Variants in ZFAND3 observed in about 807,000 individuals in gnomAD.
ZFAND3 encodes AN1-type zinc finger protein 3.
In ZFAND3, 10 loss-of-function variants were observed where a neutral mutation model predicts 29.6. The ratio of observed to expected loss-of-function variants is 0.34; its 90% confidence interval spans 0.21 to 0.57. The LOEUF (loss-of-function observed/expected upper bound fraction) is 0.57. Ranked by LOEUF, ZFAND3 falls within the 20% of genes least tolerant of loss-of-function variation. ZFAND3 has a pLI of 0.86. For synonymous variants in ZFAND3, 128 were observed against 112.6 expected (o/e 1.14, Z -0.87); for missense variants, 230 against 304.5 (o/e 0.76, Z 1.82).
rs1371019905 is a variant in ZFAND3, at chr6:38,146,479, A to G, written c.530-5756A>G. ...GAGGGCTCATCCTAAATTGCTCTTC[A>G]GTGCCAACAAGCAAAGGGACGCCCA... On this transcript the variant is annotated intron_variant, in intron 5 of 5. Coordinates refer to ENST00000287218, the MANE Select transcript of ZFAND3 (RefSeq NM_021943.3). Among the ~76,000 whole-genome samples the G allele has an allele frequency of 2.0e-5, 3 of 152,198 alleles. No homozygotes were observed. In the East Asian group the frequency reaches 5.8e-4, roughly 29 times the overall value.
chr6:38,148,940 G>A (rs1406665293), intron 5 of ZFAND3, among the ~76,000 whole-genome samples: 1 of 152,186 alleles, frequency 6.6e-6, no homozygotes, highest in Admixed American at 6.5e-5. Flanking sequence ...TACTTGGGAA[G>A]TTAGCCCTCC....
chr6:37,937,026 T>C (rs906615300), intron 2 of ZFAND3, among the ~76,000 whole-genome samples: 1 of 152,196 alleles, frequency 6.6e-6, no homozygotes, highest in Non-Finnish European at 1.5e-5. Context: ...ATTAAAATAT[T>C]TCCTTATGAA....
intron 2 of ZFAND3, among the ~76,000 whole-genome samples, chr6:37,952,527 T>A (rs185677966): frequency 7.8e-4 from 119 of 152,276 alleles, no homozygotes; most frequent in Admixed American, 1.9e-3. Context: ...AATTTTTTTT[T>A]AAATTTCTGT....
intron 1 of ZFAND3, among the ~76,000 whole-genome samples, chr6:37,878,487 A>T (rs1164030861): frequency 1.3e-5 from 2 of 151,806 alleles, no homozygotes. Context: ...GCAGGGCTTG[A>T]TGTAGCTCTG....
At chr6:37,847,385 C>T (rs548790069) in intron 1 of ZFAND3, among the ~76,000 whole-genome samples, 6 of 152,034 alleles carry the variant, frequency 3.9e-5, no homozygotes, top group South Asian at 2.1e-4. Context: ...ACCATCCTGG[C>T]CAGCATGGTG....
chr6:37,957,567 G>C (rs964691159), intron 2 of ZFAND3, among the ~76,000 whole-genome samples: 1 of 152,042 alleles, frequency 6.6e-6, no homozygotes, highest in African/African-American at 2.4e-5. Flanking sequence ...GGGTCATCTA[G>C]ATTTGTTTTT....
intron 5 of ZFAND3, among the ~76,000 whole-genome samples, chr6:38,125,434 A>G (rs1428911244): frequency 6.6e-6 from 1 of 152,206 alleles, no homozygotes; most frequent in East Asian, 1.9e-4. Flanking sequence ...TGTCAGAAAC[A>G]TGAAGAGCTC....
chr6:37,964,365 A>T (rs143600486), intron 2 of ZFAND3, among the ~76,000 whole-genome samples: 2 of 152,300 alleles, frequency 1.3e-5, no homozygotes, highest in Non-Finnish European at 2.9e-5. Context: ...CTTGGGGAAA[A>T]TGTGAACTTC....
chr6:37,997,446 C>T (rs1030052232), intron 2 of ZFAND3, among the ~76,000 whole-genome samples: 3 of 152,106 alleles, frequency 2.0e-5, no homozygotes, highest in Admixed American at 6.6e-5. Flanking sequence ...ATTTGTCATT[C>T]GTACAGAAAG....
chr6:38,090,438 T>C (rs538603639), intron 4 of ZFAND3, among the ~76,000 whole-genome samples: 13 of 152,354 alleles, frequency 8.5e-5, no homozygotes, highest in African/African-American at 2.9e-4. Context: ...TTTTACCTTA[T>C]GCACTCATCA....
At chr6:37,974,674 G>T (rs1343657069) in intron 2 of ZFAND3, among the ~76,000 whole-genome samples, 2 of 152,114 alleles carry the variant, frequency 1.3e-5, no homozygotes, top group African/African-American at 4.8e-5. Flanking sequence ...GGAATTATAG[G>T]TGTGAGCCAC....
chr6:38,043,575 T>G (rs2127457081), intron 2 of ZFAND3, among the ~76,000 whole-genome samples: 1 of 124,484 alleles, frequency 8.0e-6, no homozygotes, highest in East Asian at 2.7e-4. Flanking sequence ...CTCTTCCCCC[T>G]TCCCCTCTTC....
chr6:37,949,486 ATC>A (rs1332551976), intron 2 of ZFAND3, among the ~76,000 whole-genome samples: 2 of 152,104 alleles, frequency 1.3e-5, no homozygotes, highest in Non-Finnish European at 2.9e-5. Context: ...TTCTGACACT[ATC>A]TACCTGGAGG....
intron 2 of ZFAND3, among the ~76,000 whole-genome samples, chr6:38,036,285 A>G (rs1165679126): frequency 2.0e-5 from 3 of 152,342 alleles, no homozygotes; most frequent in Admixed American, 6.5e-5. Flanking sequence ...AAGGAAAAAA[A>G]TCTGAGCAGG....
chr6:38,044,576 T>C (rs1278761769), intron 2 of ZFAND3, among the ~76,000 whole-genome samples: 1 of 152,144 alleles, frequency 6.6e-6, no homozygotes. Flanking sequence ...TTAGTTTTAG[T>C]TTTTCTTTCT....
chr6:37,850,688 G>C (rs1764264298), intron 1 of ZFAND3, among the ~76,000 whole-genome samples: 1 of 152,164 alleles, frequency 6.6e-6, no homozygotes, highest in African/African-American at 2.4e-5. Context: ...TAAGTACACT[G>C]TATGGTGTTT....
Position 38,152,619 on chromosome 6 carries a change from T to G in ZFAND3, c.*230T>G, listed in dbSNP as rs570646833. On this transcript the variant is annotated 3_prime_UTR_variant, in exon 6 of 6. Coordinates refer to ENST00000287218, the MANE Select transcript of ZFAND3 (RefSeq NM_021943.3). Reference sequence around the variant, plus strand: ...CTAGCCATTGTATAAAATTAAAACATGAAGAATATTTTTTTTTTGAGCATG... The same window carrying G: ...CTAGCCATTGTATAAAATTAAAACAGGAAGAATATTTTTTTTTTGAGCATG... The G allele has an allele frequency of 3.8e-5, 47 of 1,228,642 alleles. 1 individual carries two copies. The African/African-American group carries it at 6.5e-4, about 17-fold the overall frequency. The allele number at this position is 1,228,642 out of a possible 1,614,324, so 76.1% of individuals were successfully genotyped here. A position where few individuals can be genotyped will look rare whatever the true frequency, so the allele number is the denominator to read the frequency against.
intron 1 of ZFAND3, among the ~76,000 whole-genome samples, chr6:37,865,354 C>T (rs766958327): frequency 3.3e-5 from 5 of 152,140 alleles, no homozygotes; most frequent in Non-Finnish European, 7.3e-5. Flanking sequence ...TGTACACGCT[C>T]AGTACAGGTG....
At chr6:37,859,446 G>A (rs1019563245) in intron 1 of ZFAND3, among the ~76,000 whole-genome samples, 3 of 152,178 alleles carry the variant, frequency 2.0e-5, no homozygotes, top group African/African-American at 7.2e-5. Flanking sequence ...CTGTAGCTAT[G>A]ATTGTCTGTA....
Sources: allele counts gnomAD v4.1 joint callset (sites outside exome capture counted in the v4.1 genomes callset), GRCh38; gene constraint gnomAD v4.1.1; transcripts MANE v1.5; gene names NCBI Gene and HGNC (gene_info 2026-07-23, HGNC 2026-07-21).